The following CTRB1 variants were observed in gnomAD, a reference collection of about 807,000 sequenced individuals.
CTRB1 encodes the protein chymotrypsinogen B.
In CTRB1, 15 loss-of-function variants were observed where a neutral mutation model predicts 20.4. The ratio of observed to expected loss-of-function variants is 0.74; its 90% CI spans 0.49 to 1.13. CTRB1 has a LOEUF of 1.13. Ranked by LOEUF, CTRB1 falls within the 50% of genes most tolerant of loss-of-function variation. The pLI is 0.00. For missense variants in CTRB1, 227 were observed against 290.1 expected (o/e 0.78, Z 1.58); for synonymous variants, 92 against 128.4 (o/e 0.72, Z 1.92).
At chr16:75,220,445 A>C (rs1481820456) in intron 1 of CTRB1, among the ~76,000 whole-genome samples, 2 of 152,072 alleles carry the variant, frequency 1.3e-5, no homozygotes, top group African/African-American at 2.4e-5. Flanking sequence ...CAGCCTCCCA[A>C]AGTGATGGGA....
At chr16:75,224,474 C>T (rs1199242756) in intron 6 of CTRB1, among the ~76,000 whole-genome samples, 1 of 152,232 alleles carries the variant, frequency 6.6e-6, no homozygotes, top group African/African-American at 2.4e-5. Flanking sequence ...TTGGTCAAAC[C>T]AGCTTTACTG....
intron 1 of CTRB1, among the ~76,000 whole-genome samples, chr16:75,221,760 C>T (rs1452109257): frequency 1.3e-5 from 2 of 151,914 alleles, no homozygotes; most frequent in Non-Finnish European, 2.9e-5. Flanking sequence ...ATTGCTTCAG[C>T]CCGGGAATTT....
At chr16:75,222,927 C>A (rs201853088) in intron 2 of CTRB1, 42 bp from the exon 3 acceptor site, 4 of 1,270,964 alleles carry the variant, frequency 3.1e-6, no homozygotes, top group African/African-American at 1.5e-5. Flanking sequence ...GCTGGGGGTG[C>A]CCCCGGGTGG....
Position 75,219,025 on chromosome 16 carries a change from C to G in CTRB1, c.18C>G (p.Leu6=). 6.3e-7 allele frequency: 1 copy of G among 1,592,448 alleles called. No homozygotes were observed. The highest frequency in any genetic ancestry group is 8.5e-7 in the Non-Finnish European group (1 of 1,171,034). MASLW[L]LSCFSLVGAA... ...GCAGCGGCATGGCTTCCCTCTGGCT[C>G]CTCTCCTGCTTCTCCCTTGTGGGGG... Residue 6 remains leucine (L), a synonymous_variant, in exon 1 of 7, where the codon CTC becomes CTG. Transcript: ENST00000361017.
intron 1 of CTRB1, among the ~76,000 whole-genome samples, chr16:75,220,004 G>T (rs1445571101): frequency 6.6e-6 from 1 of 151,994 alleles, no homozygotes; most frequent in East Asian, 1.9e-4. Flanking sequence ...TTTTGGTTTT[G>T]GTTTTGAGAC....
Position 75,224,813 on chromosome 16 carries a change from G to C in CTRB1, c.739G>C (p.Ala247Pro), listed in dbSNP as rs201736292. 4 of 1,613,838 alleles carry C rather than the reference G, an allele frequency of 2.5e-6. No individual in the cohort carries two copies. Among genetic ancestry groups the C allele is most frequent in the African/African-American group, 1.3e-5 (1 of 74,944 alleles). The change falls in exon 7 of 7, where the codon GCC becomes CCC. Residue 247 changes from alanine to proline, a missense_variant. Physicochemically the swap from Ala to Pro is conservative, Grantham distance 27. Transcript: ENST00000361017. ...CTCCACCTCCAGCCCTGGCGTGTAC[G>C]CCCGTGTCACCAAGCTCATACCTTG... ...TCSTSSPGVYARVTKLIPWVQ... is the reference protein window; with the variant it reads ...TCSTSSPGVYPRVTKLIPWVQ...
chr16:75,219,573 G>A (rs1377610364), intron 1 of CTRB1, among the ~76,000 whole-genome samples: 1 of 151,992 alleles, frequency 6.6e-6, no homozygotes, highest in Non-Finnish European at 1.5e-5. Context: ...TAGTAGAGAC[G>A]GGCTTTCACC....
rs192946969 is a variant in CTRB1 at position 75,222,354 on chromosome 16, C to T, written c.53-414C>T. Among the ~76,000 whole-genome samples, 66 of 152,238 alleles carry T rather than the reference C, an allele frequency of 4.3e-4. No individual in the cohort carries two copies. The Middle Eastern group carries it at 0.014, about 31-fold the overall frequency. ...TCTCGCCACCAGTCTAACAAAGGCA[C>T]GTGGGCCAGTGGAGCTCACGTGGTT... On this transcript the variant is annotated intron_variant, in intron 1 of 6. Transcript: ENST00000361017.
Position 75,224,760 on chromosome 16 carries a change from G to A in CTRB1, c.686G>A (p.Gly229Asp). The stretch of plus-strand genomic sequence containing the variant: ...AAGGATGGAGCCTGGACCCTGGTGG[G>A]CATTGTGTCCTGGGGCAGCGACACC... ...CQKDGAWTLV[G>D]IVSWGSDTCS... Residue 229 changes from glycine to aspartate, a missense_variant, in exon 7 of 7, where the codon GGC (glycine) becomes GAC (aspartate). Physicochemically the swap from Gly to Asp is moderately conservative, Grantham distance 94. Around this residue, in one of 4 missense-constraint regions of CTRB1, gnomAD observed 108 missense variants for 76.9 expected, o/e 1.41. Coordinates refer to ENST00000361017, the MANE Select transcript of CTRB1 (RefSeq NM_001906.6). 6.2e-7 allele frequency: 1 copy of A among 1,613,848 alleles called. No individual in the cohort carries two copies. The highest frequency in any genetic ancestry group is 8.5e-7 in the Non-Finnish European group (1 of 1,180,010).
In CTRB1 at chr16:75,222,708, G is replaced by C; in HGVS notation, c.53-60G>C. The C allele has an allele frequency of 2.0e-6, 3 of 1,508,040 alleles. No individual in the cohort carries two copies. The South Asian group carries it at 3.7e-5, about 19-fold the overall frequency. The allele number at this position is 1,508,040 out of a possible 1,614,324, so 93.4% of individuals were successfully genotyped here. ...GGTAGAACCGGGAGAGCTGCACGCA[G>C]GCAGGTGAGGCCCAGGTGGGTTTGG... On this transcript the variant is annotated intron_variant, in intron 1 of 6. Transcript: ENST00000361017.
At chr16:75,222,623 G>T (rs1436744463) in intron 1 of CTRB1, 145 bp from the exon 2 acceptor site, 9 of 826,670 alleles carry the variant, frequency 1.1e-5, no homozygotes, top group Non-Finnish European at 1.7e-5. Context: ...GAGACTTGGG[G>T]ACCAGGGAGG....
chr16:75,222,482 C>T (rs2076700887), intron 1 of CTRB1: 2 of 506,196 alleles, frequency 4.0e-6, no homozygotes, highest in Non-Finnish European at 7.0e-6. Flanking sequence ...TGAGCCCAGG[C>T]AGTCTTACAG....
At chr16:75,224,334 C>G in intron 6 of CTRB1, 146 bp downstream of exon 6, 1 of 1,457,728 alleles carries the variant, frequency 6.9e-7, no homozygotes, top group Non-Finnish European at 9.3e-7. Context: ...TGGCCAATGT[C>G]AGAGCCAATG....
intron 1 of CTRB1, among the ~76,000 whole-genome samples, chr16:75,219,999 GTTTTGGTTT>G (rs1339469865): frequency 2.2e-5 from 3 of 137,684 alleles, no homozygotes; most frequent in Non-Finnish European, 4.8e-5. Context: ...TTTGGTTTTG[GTTTTGGTTT>G]TGAGACAGGG....
rs1130453 is a variant in CTRB1, at chr16:75,219,053, G to A, written c.46G>A (p.Ala16Thr). The A allele has an allele frequency of 5.7e-6, 9 of 1,589,810 alleles. No homozygotes were observed. The highest frequency in any genetic ancestry group is 3.4e-5 in the South Asian group (3 of 87,428). ...LLSCFSLVGAAFGCGVPAIHP... is the reference protein window; with the variant it reads ...LLSCFSLVGATFGCGVPAIHP... The stretch of plus-strand genomic sequence containing the variant: ...CTCCTGCTTCTCCCTTGTGGGGGCC[G>A]CCTTTGGTGAGTGCTGGTGCCCGAG... Residue 16 changes from alanine (A) to threonine (T), a missense_variant, in exon 1 of 7, where the codon GCC becomes ACC. Physicochemically the swap from Ala to Thr is moderately conservative, Grantham distance 58. Around this residue, in one of 4 missense-constraint regions of CTRB1, gnomAD observed 71 missense variants for 69.1 expected, o/e 1.03. Transcript: ENST00000361017.
At chr16:75,224,280 C>A in intron 6 of CTRB1, 92 bp downstream of exon 6, 1 of 1,546,604 alleles carries the variant, frequency 6.5e-7, no homozygotes, top group Non-Finnish European at 8.7e-7. Context: ...TCTACTAACC[C>A]CACTCCTTCC....
intron 1 of CTRB1, 113 bp from the exon 2 acceptor site, chr16:75,222,655 A>G (rs2076702822): frequency 8.5e-7 from 1 of 1,170,592 alleles, no homozygotes. Context: ...TGTGCCAGGG[A>G]GGTCCTGAGC....
chr16:75,221,336 T>A (rs2151375064), intron 1 of CTRB1, among the ~76,000 whole-genome samples: 1 of 152,236 alleles, frequency 6.6e-6, no homozygotes, highest in South Asian at 2.1e-4. Context: ...CATTTTATGG[T>A]GTGGAAGTAA....
intron 1 of CTRB1, among the ~76,000 whole-genome samples, chr16:75,221,967 A>C (rs1203441018): frequency 1.3e-5 from 2 of 150,912 alleles, no homozygotes; most frequent in African/African-American, 4.9e-5. Flanking sequence ...AGGCTGAGGC[A>C]GGAGAATGGC....
Sources: allele counts gnomAD v4.1 joint callset (sites outside exome capture counted in the v4.1 genomes callset), GRCh38; gene constraint gnomAD v4.1.1; regional missense constraint gnomAD v4.1.1; transcripts MANE v1.5; gene names NCBI Gene and HGNC (gene_info 2026-07-23, HGNC 2026-07-21).